The following DAGLA variants were observed in gnomAD, a reference collection of about 807,000 sequenced individuals.
DAGLA encodes diacylglycerol lipase alpha, also known as diacylglycerol lipase-alpha.
DAGLA carries 22 observed loss-of-function variants against 102.6 expected under a neutral mutation model. That is an observed-to-expected ratio of 0.21 (90% CI 0.15 to 0.31). DAGLA has a LOEUF of 0.31. Among genes scored for constraint, DAGLA ranks in the 10% least tolerant of loss-of-function variants. The pLI is 1.00. For missense variants in DAGLA, 927 were observed against 1,446.6 expected (o/e 0.64, Z 5.83); for synonymous variants, 578 against 628.9 (o/e 0.92, Z 1.21).
intron 1 of DAGLA, among the ~76,000 whole-genome samples, chr11:61,710,034 G>T (rs970884695): frequency 1.3e-4 from 20 of 152,168 alleles, no homozygotes; most frequent in Non-Finnish European, 2.5e-4. Flanking sequence ...GGGGGCGGGG[G>T]CCCCAAGAGG....
At chr11:61,729,878 G>T (rs2065359874) in intron 8 of DAGLA, among the ~76,000 whole-genome samples, 1 of 151,172 alleles carries the variant, frequency 6.6e-6, no homozygotes, top group Admixed American at 6.6e-5. Flanking sequence ...TTTGAGACCA[G>T]CCTGGGCAAC....
rs780518604 is a variant in DAGLA at position 61,741,381 on chromosome 11, G to C, written c.2171+32G>C. On this transcript the variant is annotated intron_variant, in intron 19 of 19. Transcript: ENST00000257215. ...CTTGGCCACTCCCAGCCCCACCCCA[G>C]GGTGAGTGTGGTTCAGAGCACATAG... 27 of 1,589,980 alleles carry C rather than the reference G, an allele frequency of 1.7e-5. No individual in the cohort carries two copies. In the Admixed American group the frequency reaches 4.6e-4, roughly 27 times the overall value.
chr11:61,709,550 C>T (rs1401042112), intron 1 of DAGLA, among the ~76,000 whole-genome samples: 3 of 152,198 alleles, frequency 2.0e-5, no homozygotes, highest in African/African-American at 4.8e-5. Context: ...TGGCCACCTC[C>T]CCTCATCTGG....
intron 5 of DAGLA, among the ~76,000 whole-genome samples, chr11:61,724,942 C>T (rs2065312139): frequency 6.6e-6 from 1 of 152,162 alleles, no homozygotes; most frequent in Non-Finnish European, 1.5e-5. Flanking sequence ...CTGTTGCCCT[C>T]CTTCTCCTTG....
At chr11:61,721,020 G>A in intron 3 of DAGLA, 130 bp downstream of exon 3, 3 of 827,038 alleles carry the variant, frequency 3.6e-6, no homozygotes, top group Non-Finnish European at 5.7e-6. Flanking sequence ...GTGAACTAAG[G>A]CCTTCTGTAG....
chr11:61,737,830 C>G (rs2065437998), intron 15 of DAGLA, 75 bp downstream of exon 15: 4 of 1,254,434 alleles, frequency 3.2e-6, no homozygotes, highest in Non-Finnish European at 4.7e-6. Context: ...CCACCCCCAG[C>G]CCCCGCATCT....
At position 61,723,455 on chromosome 11, in the gene DAGLA, T is replaced by C. The variant is rs1472623546; in HGVS notation, c.431T>C (p.Val144Ala). ...VTLGMVVCNWVVILSVCITVL... is the reference protein window; with the variant it reads ...VTLGMVVCNWAVILSVCITVL... The stretch of plus-strand genomic sequence containing the variant: ...GCAGGAATGGTTGTCTGCAACTGGG[T>C]AGTCATCCTCAGTGTGTGCATCACT... Residue 144 changes from valine to alanine, a missense_variant, in exon 5 of 20, where the codon GTA becomes GCA. By Grantham distance (64) the Val-to-Ala change is moderately conservative. Around this residue, in one of 4 missense-constraint regions of DAGLA, gnomAD observed 231 missense variants for 439.8 expected, o/e 0.53. Transcript: ENST00000257215. The C allele has an allele frequency of 1.2e-6, 2 of 1,613,130 alleles. No individual in the cohort carries two copies. Among genetic ancestry groups the C allele is most frequent in the Admixed American group, 1.7e-5 (1 of 60,014 alleles).
intron 16 of DAGLA, 150 bp from the exon 17 acceptor site, chr11:61,739,315 A>T: frequency 1.3e-6 from 1 of 773,868 alleles, no homozygotes; most frequent in Non-Finnish European, 2.1e-6. Flanking sequence ...ACCGACCTTT[A>T]ATGCTCTGGC....
Position 61,743,910 on chromosome 11 carries a change from A to G in DAGLA, c.2550A>G (p.Ser850=), listed in dbSNP as rs766235541. The change falls in exon 20 of 20, where the codon TCA becomes TCG. Residue 850 remains serine, a synonymous_variant. Coordinates refer to ENST00000257215, the MANE Select transcript of DAGLA (RefSeq NM_006133.3). ...CGGCCGACAGCCTGTCCAAGCACTC[A>G]CAGGACACGCAGCCCCTGGAGGCGG... is the stretch of plus-strand genomic sequence containing the variant. The part of the protein sequence containing the change: ...LLAADSLSKH[S]QDTQPLEAAL... 17 of 1,612,326 alleles carry G rather than the reference A, an allele frequency of 1.1e-5. No homozygotes were observed. The highest frequency in any genetic ancestry group is 3.3e-4 in the Middle Eastern group (2 of 6,060).
intron 1 of DAGLA, among the ~76,000 whole-genome samples, chr11:61,707,065 G>T (rs1391823424): frequency 6.6e-6 from 1 of 152,242 alleles, no homozygotes. Context: ...AGTTAGGGGG[G>T]CCGAGGGCAC....
chr11:61,703,653 T>G (rs957568693), intron 1 of DAGLA, among the ~76,000 whole-genome samples: 11 of 148,332 alleles, frequency 7.4e-5, no homozygotes, highest in African/African-American at 2.8e-4. Context: ...CTGGAAATGG[T>G]GAGTGGGTAG....
At position 61,737,461 on chromosome 11, in the gene DAGLA, G is replaced by A. The variant is rs527479151; in HGVS notation, c.1514+137G>A. The A allele has an allele frequency of 8.0e-5, 105 of 1,314,490 alleles. No individual in the cohort carries two copies. The Middle Eastern group carries it at 8.2e-4, about 10-fold the overall frequency. 81.4% of individuals were successfully genotyped at this position (1,314,490 alleles called of 1,614,324 possible). On this transcript the variant is annotated intron_variant, in intron 14 of 19. Coordinates refer to ENST00000257215, the MANE Select transcript of DAGLA (RefSeq NM_006133.3). ...TCTGGGAGTGGCCTGGAGGGTGGAG[G>A]GTGGGGGCTCTGAAATGCCATGCGC...
intron 1 of DAGLA, among the ~76,000 whole-genome samples, chr11:61,702,210 TTCTC>T (rs1038367978): frequency 4.6e-5 from 7 of 152,268 alleles, no homozygotes; most frequent in Non-Finnish European, 1.0e-4. Context: ...CCATGTTAGG[TTCTC>T]TCTCTCTTTC....
rs1249444491 is a variant in DAGLA, at chr11:61,734,829, C to G, written c.975-20C>G. ...CTCGGGGACTCCCTGGCCCTGAACT[C>G]TCTTGTCACCCCACCCTAGGTGTTG... On this transcript the variant is annotated intron_variant, in intron 9 of 19. Transcript: ENST00000257215. The surrounding 1 kb of genome is among the most constrained non-coding windows in gnomAD (Gnocchi z 4.2). The G allele has an allele frequency of 3.7e-6, 6 of 1,606,138 alleles. No homozygotes were observed. Among genetic ancestry groups the G allele is most frequent in the African/African-American group, 2.7e-5 (2 of 74,784 alleles).
At chr11:61,717,218 C>T (rs1222910720) in intron 1 of DAGLA, among the ~76,000 whole-genome samples, 2 of 152,174 alleles carry the variant, frequency 1.3e-5, no homozygotes, top group African/African-American at 2.4e-5. Context: ...ACATCCCCAG[C>T]AGGGGAACAG....
intron 1 of DAGLA, among the ~76,000 whole-genome samples, chr11:61,697,032 G>T (rs923405344): frequency 6.6e-6 from 1 of 152,162 alleles, no homozygotes. Flanking sequence ...GGACTGGCCT[G>T]CCAGGGCTGA....
At chr11:61,720,038 T>G (rs555405975) in intron 1 of DAGLA, 74 bp from the exon 2 acceptor site, 1,007 of 1,027,092 alleles carry the variant, frequency 9.8e-4, no homozygotes, top group Non-Finnish European at 1.4e-3. Context: ...ACTGGTCCCG[T>G]GGCCCAAGGA....
intron 3 of DAGLA, among the ~76,000 whole-genome samples, chr11:61,722,442 T>C (rs2135583729): frequency 6.6e-6 from 1 of 152,238 alleles, no homozygotes; most frequent in African/African-American, 2.4e-5. Context: ...AAAAATTAGC[T>C]GGGCCTGGTG....
intron 12 of DAGLA, 95 bp from the exon 13 acceptor site, chr11:61,736,175 G>T (rs773014096): frequency 2.7e-5 from 28 of 1,046,466 alleles, no homozygotes; most frequent in Non-Finnish European, 4.0e-5. Context: ...AGGGAAAAAT[G>T]GATGGGGCAG....
Sources: gnomAD v4.1 joint callset for allele counts (sites outside exome capture counted in the v4.1 genomes callset) on GRCh38, gnomAD v4.1.1 for gene constraint, gnomAD v4.1.1 regional missense constraint, Gnocchi (gnomAD v3.1) non-coding constraint, MANE v1.5 for transcripts, NCBI Gene and HGNC (gene_info 2026-07-23, HGNC 2026-07-21) for gene names.